EDIL3: variants seen among roughly 807,000 people sequenced by gnomAD.
EDIL3 encodes EGF like and discoidin domains 3.
A neutral mutation model predicts 67.4 loss-of-function variants in EDIL3; 37 were observed. The ratio of observed to expected loss-of-function variants is 0.55; its 90% CI spans 0.42 to 0.72. EDIL3 has a LOEUF of 0.72. Among genes scored for constraint, EDIL3 ranks in the 30% least tolerant of loss-of-function variants. The pLI is 0.00. For missense variants in EDIL3, 527 were observed against 586.3 expected, an observed-to-expected ratio of 0.90 and a Z score of 1.04; for synonymous variants, 195 against 196.3, an observed-to-expected ratio of 0.99 and a Z score of 0.05.
intron 6 of EDIL3, 106 bp from the exon 7 acceptor site, chr5:84,066,712 C>T (rs1746648414): frequency 1.5e-6 from 2 of 1,357,670 alleles, no homozygotes; most frequent in Non-Finnish European, 2.0e-6. Context: ...TTAATAATAA[C>T]ATAAAAAGCT....
chr5:84,145,956 C>A (rs1290825747), intron 4 of EDIL3, among the ~76,000 whole-genome samples: 1 of 151,968 alleles, frequency 6.6e-6, no homozygotes. Context: ...ATTCAGCAAA[C>A]CCTAACAAAA....
intron 10 of EDIL3, among the ~76,000 whole-genome samples, chr5:83,945,813 C>A (rs569515684): frequency 6.6e-6 from 1 of 151,810 alleles, no homozygotes; most frequent in African/African-American, 2.4e-5. Context: ...AAAACAATAA[C>A]GTTCACAGAA....
At chr5:84,001,709 T>C (rs1580273420) in intron 9 of EDIL3, among the ~76,000 whole-genome samples, 1 of 152,082 alleles carries the variant, frequency 6.6e-6, no homozygotes, top group East Asian at 1.9e-4. Flanking sequence ...GAATTAAACA[T>C]AGTAATGCTT....
intron 1 of EDIL3, among the ~76,000 whole-genome samples, chr5:84,378,504 G>C (rs1748014628): frequency 2.0e-5 from 3 of 152,120 alleles, no homozygotes; most frequent in African/African-American, 7.2e-5. Context: ...GATTAAGCCT[G>C]ACCTATTACT....
rs1000216468 is a variant in EDIL3 at position 84,103,496 on chromosome 5, C to T, written c.651+3153G>A. ...CTGATAAAGGTCTAATATTCAGCAT[C>T]TATAAGAAACTTAAATTTTCAAGAA... On this transcript the variant is annotated intron_variant, in intron 6 of 10. Coordinates refer to ENST00000296591, the MANE Select transcript of EDIL3 (RefSeq NM_005711.5). Among the ~76,000 whole-genome samples, 7 of 151,754 alleles carry T rather than the reference C, an allele frequency of 4.6e-5. 1 individual carries two copies. The highest frequency in any genetic ancestry group is 3.9e-4 in the Admixed American group (6 of 15,198).
intron 3 of EDIL3, among the ~76,000 whole-genome samples, chr5:84,218,222 T>G (rs146315799): frequency 1.3e-5 from 2 of 152,212 alleles, no homozygotes; most frequent in Non-Finnish European, 2.9e-5. Context: ...TTTGGCTGTA[T>G]GTCATTCTTA....
intron 4 of EDIL3, among the ~76,000 whole-genome samples, chr5:84,138,567 T>G (rs1313778025): frequency 1.3e-5 from 2 of 152,244 alleles, no homozygotes; most frequent in Non-Finnish European, 2.9e-5. Context: ...AGTCTTGGGC[T>G]ATTACAGTTG....
At chr5:83,994,166 T>C (rs142115890) in intron 9 of EDIL3, among the ~76,000 whole-genome samples, 45 of 152,298 alleles carry the variant, frequency 3.0e-4, no homozygotes, top group African/African-American at 1.0e-3. Flanking sequence ...TGCAAACAGT[T>C]CTAAGATCCT....
chr5:84,286,892 C>T (rs186375402), intron 1 of EDIL3, among the ~76,000 whole-genome samples: 1 of 152,310 alleles, frequency 6.6e-6, no homozygotes, highest in East Asian at 1.9e-4. Context: ...TTAAGCTGAA[C>T]TTCTGGAATT....
At chr5:84,255,907 T>C (rs1745113719) in intron 1 of EDIL3, among the ~76,000 whole-genome samples, 1 of 152,156 alleles carries the variant, frequency 6.6e-6, no homozygotes, top group Non-Finnish European at 1.5e-5. Flanking sequence ...AGTATAAATA[T>C]GTTAGATCAG....
chr5:83,992,143 C>T (rs1278700003), intron 9 of EDIL3, among the ~76,000 whole-genome samples: 2 of 152,162 alleles, frequency 1.3e-5, no homozygotes, highest in Admixed American at 6.5e-5. Flanking sequence ...ATATTAAGAG[C>T]TATTGTCACT....
At chr5:83,951,899 G>A (rs532662343) in intron 10 of EDIL3, among the ~76,000 whole-genome samples, 19 of 151,816 alleles carry the variant, frequency 1.3e-4, no homozygotes, top group Admixed American at 9.2e-4. Context: ...GTATCAACTT[G>A]TCTATTACTG....
chr5:84,013,064 T>G (rs1490516158), intron 9 of EDIL3, among the ~76,000 whole-genome samples: 1 of 151,980 alleles, frequency 6.6e-6, no homozygotes, highest in Non-Finnish European at 1.5e-5. Flanking sequence ...CATATAATTT[T>G]TAAATAATAA....
intron 3 of EDIL3, among the ~76,000 whole-genome samples, chr5:84,202,455 G>A (rs1451242448): frequency 1.3e-5 from 2 of 152,090 alleles, no homozygotes; most frequent in Admixed American, 6.6e-5. Flanking sequence ...GCTAAGCAAA[G>A]TTTGTGCAAA....
chr5:83,986,040 A>G (rs1745053077), intron 9 of EDIL3, among the ~76,000 whole-genome samples: 3 of 152,104 alleles, frequency 2.0e-5, no homozygotes, highest in Admixed American at 2.0e-4. Flanking sequence ...AAACAAGGTT[A>G]ATTCTTACTG....
intron 3 of EDIL3, among the ~76,000 whole-genome samples, chr5:84,209,120 C>T (rs1329929417): frequency 6.6e-6 from 1 of 151,332 alleles, no homozygotes; most frequent in Non-Finnish European, 1.5e-5. Flanking sequence ...TAAACTATCG[C>T]AAGGACAAAA....
chr5:84,091,519 G>T (rs1747165819), intron 6 of EDIL3, among the ~76,000 whole-genome samples: 1 of 152,164 alleles, frequency 6.6e-6, no homozygotes, highest in African/African-American at 2.4e-5. Flanking sequence ...CTTCAAAAAA[G>T]TAAACCTTTC....
intron 1 of EDIL3, among the ~76,000 whole-genome samples, chr5:84,297,048 A>T (rs188494793): frequency 9.4e-4 from 143 of 151,938 alleles, no homozygotes; most frequent in Non-Finnish European, 2.7e-4. Context: ...TGGGTATGGA[A>T]GGGGGTGCCA....
chr5:84,274,780 T>C (rs538463463), intron 1 of EDIL3, among the ~76,000 whole-genome samples: 68 of 124,718 alleles, frequency 5.5e-4, no homozygotes, highest in African/African-American at 2.0e-3. Flanking sequence ...CACATACACA[T>C]ACAGACACAC....
Sources: allele counts gnomAD v4.1 joint callset (sites outside exome capture counted in the v4.1 genomes callset), GRCh38; gene constraint gnomAD v4.1.1; transcripts MANE v1.5; gene names NCBI Gene and HGNC (gene_info 2026-07-23, HGNC 2026-07-21).